CCDC40: variants seen among roughly 807,000 people sequenced by gnomAD.
The protein encoded by CCDC40 is coiled-coil domain 40 molecular ruler complex subunit, also known as coiled-coil domain-containing protein 40.
In CCDC40, 104 loss-of-function variants were observed where a neutral mutation model predicts 124.5. That is an observed-to-expected ratio of 0.84 (90% CI 0.71 to 0.98). The LOEUF is 0.98. Ranked by LOEUF, CCDC40 falls within the 50% of genes least tolerant of loss-of-function variation. The pLI is 0.00. For missense variants in CCDC40, 1,463 were observed against 1,503.9 expected, an observed-to-expected ratio of 0.97 and a Z score of 0.45; for synonymous variants, 580 against 602.9, an observed-to-expected ratio of 0.96 and a Z score of 0.56.
At chr17:80,082,805 T>C (rs2143738571) in intron 12 of CCDC40, among the ~76,000 whole-genome samples, 1 of 152,300 alleles carries the variant, frequency 6.6e-6, no homozygotes, top group African/African-American at 2.4e-5. Flanking sequence ...GGCAGCCCGA[T>C]AGGTCATACG....
At chr17:80,082,772 G>A (rs1372384312) in intron 12 of CCDC40, among the ~76,000 whole-genome samples, 1 of 152,200 alleles carries the variant, frequency 6.6e-6, no homozygotes, top group African/African-American at 2.4e-5. Flanking sequence ...CAGGCCCCCG[G>A]GCCCCCGCCG....
chr17:80,047,147 G>C, intron 3 of CCDC40, 132 bp from the exon 4 acceptor site: 6 of 1,048,650 alleles, frequency 5.7e-6, no homozygotes, highest in South Asian at 4.0e-5. Context: ...TGCCCGGCCA[G>C]GTTTTTTAAA....
intron 2 of CCDC40, among the ~76,000 whole-genome samples, chr17:80,039,108 T>C (rs1234688380): frequency 1.3e-5 from 2 of 152,158 alleles, no homozygotes; most frequent in Non-Finnish European, 2.9e-5. Context: ...GGCTCACGCC[T>C]GTGGTCCCGG....
Position 80,050,146 on chromosome 17 carries a change from T to G in CCDC40, c.1022T>G (p.Leu341Arg), listed in dbSNP as rs1416701343. 1 of 1,613,680 alleles carries G rather than the reference T, an allele frequency of 6.2e-7. No individual in the cohort carries two copies. Among genetic ancestry groups the G allele is most frequent in the Non-Finnish European group, 8.5e-7 (1 of 1,179,926 alleles). ...GAGGTGCAGCAGCACCTGGTACACC[T>G]GCAGAAGCTGCTGGAGAAGAGTCAC... ...LYEVQQHLVHLQKLLEKSHDR... is the reference protein window; with the variant it reads ...LYEVQQHLVHRQKLLEKSHDR... The change falls in exon 7 of 20, where the codon CTG (leucine) becomes CGG (arginine). Residue 341 changes from leucine to arginine, a missense_variant. Leu to Arg is a moderately radical substitution (Grantham distance 102, BLOSUM62 -2). Transcript: ENST00000397545.
intron 3 of CCDC40, among the ~76,000 whole-genome samples, chr17:80,042,278 CTGGCTA>C (rs2037302257): frequency 6.6e-6 from 1 of 152,120 alleles, no homozygotes; most frequent in African/African-American, 2.4e-5. Context: ...ACCACCACAC[CTGGCTA>C]AAATTCGGTA....
intron 16 of CCDC40, among the ~76,000 whole-genome samples, chr17:80,089,168 C>G (rs2038649002): frequency 6.6e-6 from 1 of 152,162 alleles, no homozygotes; most frequent in African/African-American, 2.4e-5. Context: ...CAGAAGTTCC[C>G]CCTTGAAGCA....
At chr17:80,072,620 G>A (rs993505897) in intron 10 of CCDC40, among the ~76,000 whole-genome samples, 1 of 152,138 alleles carries the variant, frequency 6.6e-6, no homozygotes, top group Non-Finnish European at 1.5e-5. Flanking sequence ...CCGCTGTGCC[G>A]CCTTCTGTGC....
In CCDC40 at chr17:80,099,869, A is replaced by G; in HGVS notation, c.*94A>G. 1 of 1,381,944 alleles carries G rather than the reference A, an allele frequency of 7.2e-7. No homozygotes were observed. The highest frequency in any genetic ancestry group is 1.8e-5 in the Admixed American group (1 of 54,552). The allele number at this position is 1,381,944 out of a possible 1,614,324, so 85.6% of individuals were successfully genotyped here. On this transcript the variant is annotated 3_prime_UTR_variant, in exon 20 of 20. Transcript: ENST00000397545. ...CTTGGAATCTTTTGTGTTCCTAAAA[A>G]CCACATGTACCCTCAGAAGGGCATC...
chr17:80,042,685 G>T (rs543560074), intron 3 of CCDC40, among the ~76,000 whole-genome samples: 1 of 152,084 alleles, frequency 6.6e-6, no homozygotes, highest in African/African-American at 2.4e-5. Flanking sequence ...GGCTAGAACC[G>T]CCAGCACCAT....
At chr17:80,044,038 T>A (rs1274529247) in intron 3 of CCDC40, among the ~76,000 whole-genome samples, 1 of 152,074 alleles carries the variant, frequency 6.6e-6, no homozygotes, top group Non-Finnish European at 1.5e-5. Context: ...GCTTTATACT[T>A]CTTAGCACTG....
Position 80,087,943 on chromosome 17 carries a change from G to A in CCDC40, c.2620-68G>A. On this transcript the variant is annotated intron_variant, in intron 15 of 19. Coordinates refer to ENST00000397545, the MANE Select transcript of CCDC40 (RefSeq NM_017950.4). This position sits in a 1 kb window ranked among gnomAD's most constrained non-coding sequence, Gnocchi z 4.5. ...CCCTGCCCTCGGTGCCGGGATAGAG[G>A]GCACCAGCCCCGGCATCCACAATCC... 7.4e-7 allele frequency: 1 copy of A among 1,359,520 alleles called. No individual in the cohort carries two copies. The highest frequency in any genetic ancestry group is 1.1e-6 in the Non-Finnish European group (1 of 949,358). 84.2% of individuals were successfully genotyped at this position (1,359,520 alleles called of 1,614,324 possible). A position where few individuals can be genotyped will look rare whatever the true frequency, so the allele number is the denominator to read the frequency against.
intron 10 of CCDC40, among the ~76,000 whole-genome samples, chr17:80,070,004 C>T (rs994558894): frequency 7.2e-5 from 11 of 152,308 alleles, no homozygotes; most frequent in African/African-American, 2.4e-4. Context: ...AGCTAGGCAA[C>T]GAGCGGGTGA....
chr17:80,088,375 C>G, intron 16 of CCDC40: 1 of 479,008 alleles, frequency 2.1e-6, no homozygotes. Context: ...CCTCAACCTC[C>G]TGAGTAGCTG....
intron 5 of CCDC40, 106 bp downstream of exon 5, chr17:80,048,867 C>T: frequency 9.8e-7 from 1 of 1,020,594 alleles, no homozygotes; most frequent in Non-Finnish European, 1.5e-6. Context: ...AAATGCTGTA[C>T]TTGTATCTCG....
Position 80,047,309 on chromosome 17 carries a change from G to A in CCDC40, c.583G>A (p.Val195Met). Residue 195 changes from valine to methionine, a missense_variant, in exon 4 of 20, where the codon GTG becomes ATG. By Grantham distance (21) the Val-to-Met change is conservative (BLOSUM62 1). Coordinates refer to ENST00000397545, the MANE Select transcript of CCDC40 (RefSeq NM_017950.4). ...ATCCACAGAGGAGCCCCAGGGGCAG[G>A]TGCTCCCAATGGGCGTCCAGCACCG... ...TGSTEEPQGQ[V>M]LPMGVQHRFR... 1.9e-6 allele frequency: 3 copies of A among 1,613,948 alleles called. No homozygotes were observed. The highest frequency in any genetic ancestry group is 4.5e-5 in the East Asian group (2 of 44,880).
intron 10 of CCDC40, among the ~76,000 whole-genome samples, chr17:80,075,939 G>A (rs1280849579): frequency 2.0e-5 from 3 of 152,198 alleles, no homozygotes; most frequent in Non-Finnish European, 4.4e-5. Flanking sequence ...ACTAGAATGA[G>A]AAGTGGAGCT....
At chr17:80,077,509 C>T (rs1024824980) in intron 10 of CCDC40, among the ~76,000 whole-genome samples, 18 of 152,162 alleles carry the variant, frequency 1.2e-4, no homozygotes, top group Non-Finnish European at 4.4e-5. Context: ...GGTGACAGAG[C>T]GAGACTCCGT....
intron 9 of CCDC40, among the ~76,000 whole-genome samples, chr17:80,063,103 G>A (rs980937211): frequency 1.3e-5 from 2 of 152,076 alleles, no homozygotes; most frequent in South Asian, 2.1e-4. Context: ...ACTGAGACAG[G>A]AGAATTGCTT....
At chr17:80,038,011 G>A (rs2037174098) in intron 1 of CCDC40, 112 bp from the exon 2 acceptor site, 1 of 718,256 alleles carries the variant, frequency 1.4e-6, no homozygotes, top group Non-Finnish European at 2.5e-6. Flanking sequence ...CAGCCTGGGG[G>A]TGGCAGAGAA....
Sources: allele counts gnomAD v4.1 joint callset (sites outside exome capture counted in the v4.1 genomes callset), GRCh38; gene constraint gnomAD v4.1.1; non-coding constraint Gnocchi (gnomAD v3.1); transcripts MANE v1.5; gene names NCBI Gene and HGNC (gene_info 2026-07-23, HGNC 2026-07-21).